The following PTK2 variants were observed in gnomAD, a reference collection of about 807,000 sequenced individuals.
PTK2 encodes focal adhesion kinase 1.
In PTK2, 45 loss-of-function variants were observed where a neutral mutation model predicts 150.1. The ratio of observed to expected loss-of-function variants is 0.30; its 90% CI spans 0.24 to 0.38. The LOEUF is 0.38. Ranked by LOEUF, PTK2 falls within the 10% of genes least tolerant of loss-of-function variation. PTK2 has a pLI of 1.00. For missense variants in PTK2, 919 were observed against 1,307.3 expected, an observed-to-expected ratio of 0.70 and a Z score of 4.58; for synonymous variants, 432 against 449.2, an observed-to-expected ratio of 0.96 and a Z score of 0.48.
At chr8:140,723,568 T>A (rs2100044177) in intron 22 of PTK2, among the ~76,000 whole-genome samples, 1 of 152,210 alleles carries the variant, frequency 6.6e-6, no homozygotes, top group Non-Finnish European at 1.5e-5. Context: ...GTGCAGAGTA[T>A]CAAGGAGGTC....
intron 30 of PTK2, among the ~76,000 whole-genome samples, chr8:140,666,695 C>T (rs965898272): frequency 6.6e-6 from 1 of 152,042 alleles, no homozygotes; most frequent in African/African-American, 2.4e-5. Flanking sequence ...ATGGTGCAGC[C>T]GCTGTGAAAA....
At position 140,664,837 on chromosome 8, in the gene PTK2, C is replaced by T. The variant is rs2087801385; in HGVS notation, c.2946+80G>A. On this transcript the variant is annotated intron_variant, in intron 31 of 31. Transcript: ENST00000522684. ...TGCTGGCCACAGACTGAGGAGCGGC[C>T]TTCAGCACCACAGGCATCCCTGAAT... 2.1e-6 allele frequency: 3 copies of T among 1,414,738 alleles called. No individual in the cohort carries two copies. In the East Asian group the frequency reaches 6.9e-5, roughly 33 times the overall value. The allele number at this position is 1,414,738 out of a possible 1,614,324, so 87.6% of individuals were successfully genotyped here. A position where few individuals can be genotyped will look rare whatever the true frequency, so the allele number is the denominator to read the frequency against.
intron 12 of PTK2, among the ~76,000 whole-genome samples, chr8:140,798,852 G>C (rs1258508651): frequency 1.3e-5 from 2 of 152,052 alleles, no homozygotes; most frequent in Non-Finnish European, 2.9e-5. Context: ...TGCGACACTG[G>C]AAGAAGAAAA....
chr8:140,893,254 G>A (rs549730635), intron 2 of PTK2, among the ~76,000 whole-genome samples: 85 of 152,298 alleles, frequency 5.6e-4, no homozygotes, highest in African/African-American at 1.6e-3. Context: ...CGAGGCTGCA[G>A]TAGCTGTGAT....
intron 1 of PTK2, among the ~76,000 whole-genome samples, chr8:140,943,881 A>C (rs1340829652): frequency 2.0e-5 from 3 of 152,246 alleles, no homozygotes; most frequent in Non-Finnish European, 2.9e-5. Flanking sequence ...GAAATGGATG[A>C]AATGTCTGTC....
At chr8:140,990,992 CAG>C (rs1469746479) in intron 1 of PTK2, among the ~76,000 whole-genome samples, 2 of 152,152 alleles carry the variant, frequency 1.3e-5, no homozygotes, top group Non-Finnish European at 2.9e-5. Flanking sequence ...AGATACCTAA[CAG>C]ATAATACAGA....
intron 2 of PTK2, 28 bp from the exon 3 acceptor site, chr8:140,890,797 TG>T: frequency 6.3e-7 from 1 of 1,578,292 alleles, no homozygotes; most frequent in Non-Finnish European, 8.7e-7. Flanking sequence ...TAATTTTTTG[TG>T]TATAATACTT....
At chr8:140,659,004 G>C (rs1054374779) in exon 32 of PTK2, 11 of 227,268 alleles carry the variant, frequency 4.8e-5, no homozygotes, top group African/African-American at 2.0e-4. Context: ...AAAAATTCCA[G>C]TCTGGATAAT....
chr8:140,961,944 T>C (rs949715883), intron 1 of PTK2, among the ~76,000 whole-genome samples: 15 of 151,842 alleles, frequency 9.9e-5, no homozygotes, highest in Non-Finnish European at 1.6e-4. Flanking sequence ...ATTTATTGAG[T>C]TAGTATCTTT....
At chr8:140,890,306 G>A (rs2100153800) in intron 3 of PTK2, 5 of 418,614 alleles carry the variant, frequency 1.2e-5, no homozygotes. Flanking sequence ...ATAAGTCAAT[G>A]GTATTTTATG....
intron 1 of PTK2, among the ~76,000 whole-genome samples, chr8:140,959,305 C>A (rs1163465805): frequency 6.7e-6 from 1 of 148,532 alleles, no homozygotes; most frequent in Non-Finnish European, 1.5e-5. Context: ...CCAAGGAGGG[C>A]GGATCATGAG....
intron 21 of PTK2, among the ~76,000 whole-genome samples, chr8:140,738,064 G>A (rs1167792202): frequency 6.6e-6 from 1 of 152,146 alleles, no homozygotes; most frequent in Non-Finnish European, 1.5e-5. Flanking sequence ...ATTTATAGGA[G>A]AAAAAAGGTA....
At chr8:140,925,682 G>A in exon 2 of PTK2, 1 of 985,162 alleles carries the variant, frequency 1.0e-6, no homozygotes, top group Non-Finnish European at 1.2e-6. Flanking sequence ...TATTCTTGAG[G>A]AGCTCTGGGG....
At chr8:140,698,154 G>GTCCTCTTCTGCTCTTCCTTGT in intron 26 of PTK2, among the ~76,000 whole-genome samples, 1 of 152,074 alleles carries the variant, frequency 6.6e-6, no homozygotes. Flanking sequence ...GACACACAGG[G>GTCCTCTTCTGCTCTTCCTTGT]TCCTCTTCTG....
intron 7 of PTK2, among the ~76,000 whole-genome samples, chr8:140,832,424 C>T (rs1455603766): frequency 5.3e-5 from 8 of 152,150 alleles, no homozygotes; most frequent in Non-Finnish European, 8.8e-5. Context: ...TGCGAACCTC[C>T]GGTTACTTGT....
At chr8:140,943,613 T>C (rs2100176629) in intron 1 of PTK2, among the ~76,000 whole-genome samples, 1 of 152,228 alleles carries the variant, frequency 6.6e-6, no homozygotes, top group South Asian at 2.1e-4. Flanking sequence ...CTGGGTTGGG[T>C]GACAAGTCTA....
chr8:140,709,306 AATG>A (rs2154177592), intron 23 of PTK2, among the ~76,000 whole-genome samples: 1 of 152,360 alleles, frequency 6.6e-6, no homozygotes, highest in Admixed American at 6.5e-5. Flanking sequence ...CTGGGTAGCA[AATG>A]ATAACACAAG....
At chr8:140,927,944 A>G (rs2100170114) in intron 1 of PTK2, among the ~76,000 whole-genome samples, 1 of 104,480 alleles carries the variant, frequency 9.6e-6, no homozygotes, top group African/African-American at 3.6e-5. Context: ...CAAAAAGAAA[A>G]AAAAAAAAAA....
intron 13 of PTK2, among the ~76,000 whole-genome samples, chr8:140,791,632 T>A (rs1347528518): frequency 6.6e-6 from 1 of 152,090 alleles, no homozygotes; most frequent in African/African-American, 2.4e-5. Flanking sequence ...CTAGAAACTA[T>A]TACAGGAAAA....
Sources: gnomAD v4.1 joint callset for allele counts (sites outside exome capture counted in the v4.1 genomes callset) on GRCh38, gnomAD v4.1.1 for gene constraint, MANE v1.5 for transcripts, NCBI Gene and HGNC (gene_info 2026-07-23, HGNC 2026-07-21) for gene names.